Variants in NKAIN2 observed in about 807,000 individuals in gnomAD.
The protein encoded by NKAIN2 is sodium/potassium transporting ATPase interacting 2.
In NKAIN2, 14 loss-of-function variants were observed where a neutral mutation model predicts 32.6. The ratio of observed to expected loss-of-function variants is 0.43; its 90% CI spans 0.28 to 0.67. NKAIN2 has a LOEUF of 0.67. NKAIN2 is among the 30% of genes least tolerant of loss of function. NKAIN2 has a pLI of 0.17. For missense variants in NKAIN2, 198 were observed against 258.3 expected (o/e 0.77, Z 1.60); for synonymous variants, 80 against 87.2 (o/e 0.92, Z 0.46).
intron 3 of NKAIN2, among the ~76,000 whole-genome samples, chr6:124,525,454 T>C (rs1250316341): frequency 6.6e-6 from 1 of 152,108 alleles, no homozygotes; most frequent in African/African-American, 2.4e-5. Flanking sequence ...GAATGTGAAA[T>C]TAGCTCTTTA....
intron 4 of NKAIN2, among the ~76,000 whole-genome samples, chr6:124,661,890 G>T (rs1186723807): frequency 1.2e-5 from 1 of 86,568 alleles, no homozygotes; most frequent in Admixed American, 1.2e-4. Flanking sequence ...AAAATTAATC[G>T]GATCCTTTCA....
chr6:124,463,223 T>C (rs1045947905), intron 3 of NKAIN2, among the ~76,000 whole-genome samples: 17 of 152,038 alleles, frequency 1.1e-4, no homozygotes, highest in Admixed American at 1.1e-3. Context: ...TAATTCATAA[T>C]TGAGTAACAT....
intron 4 of NKAIN2, among the ~76,000 whole-genome samples, chr6:124,722,876 AT>A: frequency 6.6e-6 from 1 of 152,348 alleles, no homozygotes; most frequent in East Asian, 1.9e-4. Flanking sequence ...ATCCTAAAAA[AT>A]GTGAAGCAGC....
At chr6:124,368,619 A>G (rs2114312848) in intron 3 of NKAIN2, among the ~76,000 whole-genome samples, 1 of 152,212 alleles carries the variant, frequency 6.6e-6, no homozygotes, top group East Asian at 1.9e-4. Flanking sequence ...CACCATGCAT[A>G]GAAAATGTTC....
chr6:124,738,250 G>T (rs1166558751), intron 4 of NKAIN2, among the ~76,000 whole-genome samples: 3 of 151,754 alleles, frequency 2.0e-5, no homozygotes, highest in Non-Finnish European at 4.4e-5. Flanking sequence ...AATTTTAAAA[G>T]TTTTGTTACG....
At chr6:124,397,557 C>T (rs1403759306) in intron 3 of NKAIN2, among the ~76,000 whole-genome samples, 1 of 149,908 alleles carries the variant, frequency 6.7e-6, no homozygotes, top group African/African-American at 2.5e-5. Flanking sequence ...ACCAGGTTTG[C>T]ATTAAGCCAG....
chr6:124,687,170 A>G (rs1320734941), intron 4 of NKAIN2, among the ~76,000 whole-genome samples: 1 of 147,850 alleles, frequency 6.8e-6, no homozygotes, highest in Non-Finnish European at 1.5e-5. Context: ...TATTCTCTAT[A>G]TATATTCCAT....
intron 1 of NKAIN2, among the ~76,000 whole-genome samples, chr6:123,824,955 A>G (rs1774085597): frequency 6.6e-6 from 1 of 152,084 alleles, no homozygotes; most frequent in South Asian, 2.1e-4. Context: ...GTCTTAACCC[A>G]TTTGGGCTGC....
intron 1 of NKAIN2, among the ~76,000 whole-genome samples, chr6:123,884,317 G>A (rs1390412426): frequency 1.3e-5 from 2 of 152,092 alleles, no homozygotes; most frequent in African/African-American, 2.4e-5. Flanking sequence ...ATTCCATGGT[G>A]CATATGTACC....
chr6:124,511,395 G>A (rs1184032878), intron 3 of NKAIN2, among the ~76,000 whole-genome samples: 1 of 152,156 alleles, frequency 6.6e-6, no homozygotes. Flanking sequence ...TCAAATAGGA[G>A]AAGAAATCAT....
chr6:124,476,485 G>A (rs1777222722), intron 3 of NKAIN2, among the ~76,000 whole-genome samples: 1 of 151,470 alleles, frequency 6.6e-6, no homozygotes, highest in Admixed American at 6.6e-5. Flanking sequence ...TGACAGGCAT[G>A]TTTAAGGCAT....
chr6:124,751,622 C>T (rs556407554), intron 4 of NKAIN2, among the ~76,000 whole-genome samples: 20 of 151,812 alleles, frequency 1.3e-4, no homozygotes, highest in African/African-American at 4.1e-4. Context: ...TGAACTAGCC[C>T]GTGGCTGTAG....
chr6:124,141,854 A>G (rs115369864), intron 1 of NKAIN2, among the ~76,000 whole-genome samples: 1,794 of 152,242 alleles, frequency 0.012, 31 homozygotes, highest in African/African-American at 0.041. Flanking sequence ...GCTTCTGTAG[A>G]TGATCTTGAA....
At chr6:124,557,941 A>G (rs1286447316) in intron 3 of NKAIN2, among the ~76,000 whole-genome samples, 5 of 152,250 alleles carry the variant, frequency 3.3e-5, no homozygotes, top group Non-Finnish European at 1.5e-5. Context: ...GTGAGTTTAA[A>G]TATTAGTAAT....
chr6:124,183,489 T>C (rs1039650341), intron 1 of NKAIN2, among the ~76,000 whole-genome samples: 9 of 152,128 alleles, frequency 5.9e-5, no homozygotes, highest in African/African-American at 2.2e-4. Context: ...TCCTTGAGTA[T>C]ATGTTTCCTA....
At chr6:124,128,367 T>C (rs1406635842) in intron 1 of NKAIN2, among the ~76,000 whole-genome samples, 1 of 152,246 alleles carries the variant, frequency 6.6e-6, no homozygotes, top group African/African-American at 2.4e-5. Context: ...CATTTTATTT[T>C]AATTTATTTG....
At chr6:123,979,654 C>T (rs1778803244) in intron 1 of NKAIN2, among the ~76,000 whole-genome samples, 1 of 152,130 alleles carries the variant, frequency 6.6e-6, no homozygotes, top group Non-Finnish European at 1.5e-5. Context: ...TCCCATTGCC[C>T]AGGATTGTTT....
chr6:123,947,528 C>G (rs1777123511), intron 1 of NKAIN2, among the ~76,000 whole-genome samples: 1 of 152,086 alleles, frequency 6.6e-6, no homozygotes, highest in Admixed American at 6.6e-5. Context: ...CCTGTTAGGG[C>G]CTTAAAAGCA....
At chr6:124,388,770 C>T (rs1244971482) in intron 3 of NKAIN2, among the ~76,000 whole-genome samples, 1 of 152,020 alleles carries the variant, frequency 6.6e-6, no homozygotes, top group Non-Finnish European at 1.5e-5. Flanking sequence ...AGATGCTCTG[C>T]CTTCTTATTT....
Sources: allele counts gnomAD v4.1 joint callset (sites outside exome capture counted in the v4.1 genomes callset), GRCh38; gene constraint gnomAD v4.1.1; transcripts MANE v1.5; gene names NCBI Gene and HGNC (gene_info 2026-07-23, HGNC 2026-07-21).